The following CDK6 variants were observed in gnomAD, a reference collection of about 807,000 sequenced individuals.
The protein encoded by CDK6 is cyclin-dependent kinase 6.
A neutral mutation model predicts 37.1 loss-of-function variants in CDK6; 6 were observed. That is an observed-to-expected ratio of 0.16 (90% confidence interval 0.09 to 0.32). The LOEUF (loss-of-function observed/expected upper bound fraction) is 0.32. Among genes scored for constraint, CDK6 ranks in the 10% least tolerant of loss-of-function variants. CDK6 has a pLI of 1.00. For missense variants in CDK6, 224 were observed against 418.9 expected, an observed-to-expected ratio of 0.53 and a Z score of 4.06; for synonymous variants, 160 against 161.3, an observed-to-expected ratio of 0.99 and a Z score of 0.06.
At chr7:92,801,051 A>G (rs138013201) in intron 2 of CDK6, among the ~76,000 whole-genome samples, 84 of 152,352 alleles carry the variant, frequency 5.5e-4, no homozygotes, top group African/African-American at 1.7e-3. Context: ...TACCTTTACA[A>G]GCAAGAAACT....
intron 4 of CDK6, among the ~76,000 whole-genome samples, chr7:92,707,791 G>A (rs543285373): frequency 4.5e-4 from 68 of 152,278 alleles, no homozygotes; most frequent in African/African-American, 1.6e-3. Context: ...AAATTCTGCT[G>A]TCTTCCCAGA....
In CDK6 at chr7:92,833,371, T is replaced by C; in HGVS notation, c.-48A>G. On this transcript the variant is annotated 5_prime_UTR_variant, in exon 2 of 8. Coordinates refer to ENST00000424848, the MANE Select transcript of CDK6 (RefSeq NM_001145306.2). The surrounding 1 kb of genome is among the most constrained non-coding windows in gnomAD (Gnocchi z 6.1). ...CGGCGCCGCTGGGGCGGGCGGGGGG[T>C]GCGCTCAACTAGCTGGCGGCCGCCG... 2 of 1,340,316 alleles carry C rather than the reference T, an allele frequency of 1.5e-6. No individual in the cohort carries two copies. The highest frequency in any genetic ancestry group is 2.6e-5 in the South Asian group (2 of 75,798). The allele number at this position is 1,340,316 out of a possible 1,614,324, so 83.0% of individuals were successfully genotyped here. A position where few individuals can be genotyped will look rare whatever the true frequency, so the allele number is the denominator to read the frequency against.
intron 4 of CDK6, among the ~76,000 whole-genome samples, chr7:92,691,683 C>T (rs139181729): frequency 1.2e-3 from 184 of 152,220 alleles, no homozygotes; most frequent in African/African-American, 4.0e-3. Flanking sequence ...ATAGATTACA[C>T]GTGCTTTCAT....
chr7:92,762,157 T>G (rs753591243), intron 3 of CDK6, among the ~76,000 whole-genome samples: 5 of 152,170 alleles, frequency 3.3e-5, no homozygotes, highest in African/African-American at 9.6e-5. Context: ...ATAATCATAA[T>G]GGGGGGGACA....
intron 3 of CDK6, among the ~76,000 whole-genome samples, chr7:92,755,920 TGC>T: frequency 6.6e-6 from 1 of 152,142 alleles, no homozygotes; most frequent in African/African-American, 2.4e-5. Flanking sequence ...CACTCTTTCT[TGC>T]ACATACAAGT....
chr7:92,784,377 C>T (rs1475732275), intron 2 of CDK6, among the ~76,000 whole-genome samples: 2 of 152,080 alleles, frequency 1.3e-5, no homozygotes, highest in Admixed American at 6.5e-5. Context: ...CAAAAAGAAG[C>T]GACCTGCCAA....
At chr7:92,638,536 G>T (rs1796227889) in intron 5 of CDK6, among the ~76,000 whole-genome samples, 1 of 152,152 alleles carries the variant, frequency 6.6e-6, no homozygotes, top group Admixed American at 6.6e-5. Flanking sequence ...TGCTCTGACA[G>T]GTAGCAGGAC....
intron 4 of CDK6, among the ~76,000 whole-genome samples, chr7:92,704,444 T>C (rs1273547189): frequency 6.6e-6 from 1 of 152,166 alleles, no homozygotes; most frequent in African/African-American, 2.4e-5. Flanking sequence ...TTCTATTCCC[T>C]TGCTTCTTTA....
At chr7:92,801,415 C>A (rs956672906) in intron 2 of CDK6, among the ~76,000 whole-genome samples, 22 of 152,188 alleles carry the variant, frequency 1.4e-4, no homozygotes, top group African/African-American at 5.3e-4. Context: ...CTCTCTCTCT[C>A]TATCTGAAAT....
intron 5 of CDK6, among the ~76,000 whole-genome samples, chr7:92,655,094 C>T (rs1037142748): frequency 7.3e-5 from 11 of 151,512 alleles, no homozygotes; most frequent in Non-Finnish European, 1.2e-4. Context: ...GATCTGTCCA[C>T]CTTGGTCTCT....
intron 2 of CDK6, among the ~76,000 whole-genome samples, chr7:92,820,620 T>C (rs1335933230): frequency 2.6e-5 from 4 of 152,012 alleles, no homozygotes; most frequent in African/African-American, 4.8e-5. Flanking sequence ...GTATGAAAAA[T>C]TGAAGTTTAG....
intron 5 of CDK6, among the ~76,000 whole-genome samples, chr7:92,629,416 A>G (rs1019193205): frequency 1.4e-5 from 2 of 143,010 alleles, no homozygotes; most frequent in Non-Finnish European, 3.2e-5. Context: ...ATGGAGAGAA[A>G]GAAAGAGAGG....
At chr7:92,769,070 A>G (rs917441605) in intron 3 of CDK6, among the ~76,000 whole-genome samples, 1 of 152,186 alleles carries the variant, frequency 6.6e-6, no homozygotes, top group Admixed American at 6.5e-5. Context: ...CTGCAAGCAG[A>G]TATTATTCAT....
chr7:92,615,337 T>C (rs2116478074), intron 7 of CDK6, 51 bp from the exon 8 acceptor site: 1 of 1,430,418 alleles, frequency 7.0e-7, no homozygotes, highest in Non-Finnish European at 9.8e-7. Flanking sequence ...TCAATGTAAA[T>C]AATGTACTTA....
At chr7:92,807,719 T>C (rs1439839329) in intron 2 of CDK6, among the ~76,000 whole-genome samples, 1 of 152,142 alleles carries the variant, frequency 6.6e-6, no homozygotes, top group Non-Finnish European at 1.5e-5. Context: ...CCAAGCATAA[T>C]TCAGCAATTG....
intron 3 of CDK6, among the ~76,000 whole-genome samples, chr7:92,772,229 TAAA>T (rs1053213804): frequency 3.9e-5 from 6 of 152,176 alleles, no homozygotes; most frequent in Non-Finnish European, 4.4e-5. Context: ...AGAATGAAGA[TAAA>T]AGAGTCTTCT....
chr7:92,815,099 T>C (rs1307586328), intron 2 of CDK6, among the ~76,000 whole-genome samples: 2 of 152,134 alleles, frequency 1.3e-5, no homozygotes, highest in Non-Finnish European at 2.9e-5. Flanking sequence ...GGGCAGCCAT[T>C]TTCTTCCCAC....
At chr7:92,696,378 C>A (rs1797718997) in intron 4 of CDK6, among the ~76,000 whole-genome samples, 1 of 152,154 alleles carries the variant, frequency 6.6e-6, no homozygotes, top group African/African-American at 2.4e-5. Context: ...AAGCTGACCA[C>A]ATTTAGCTTA....
intron 3 of CDK6, among the ~76,000 whole-genome samples, chr7:92,770,710 TC>T (rs1799692969): frequency 6.6e-6 from 1 of 152,062 alleles, no homozygotes; most frequent in African/African-American, 2.4e-5. Flanking sequence ...CCCTATGATA[TC>T]TAGTAAGACA....
Sources: allele counts gnomAD v4.1 joint callset (sites outside exome capture counted in the v4.1 genomes callset), GRCh38; gene constraint gnomAD v4.1.1; non-coding constraint Gnocchi (gnomAD v3.1); transcripts MANE v1.5; gene names NCBI Gene and HGNC (gene_info 2026-07-23, HGNC 2026-07-21).